PTPRG: variants seen among roughly 807,000 people sequenced by gnomAD.
PTPRG encodes receptor-type tyrosine-protein phosphatase gamma.
Under a neutral mutation model 165.3 loss-of-function variants are expected in PTPRG, and 102 were observed. The ratio of observed to expected loss-of-function variants is 0.62; its 90% confidence interval spans 0.53 to 0.73. PTPRG has a LOEUF of 0.73. Among genes scored for constraint, PTPRG ranks in the 30% least tolerant of loss-of-function variants. The pLI, the probability that PTPRG is intolerant of heterozygous loss-of-function variation, is 0.00. For synonymous variants in PTPRG, 675 were observed against 669.5 expected, an observed-to-expected ratio of 1.01 and a Z score of -0.13; for missense variants, 1,866 against 1,861.4, an observed-to-expected ratio of 1.00 and a Z score of -0.05.
At chr3:62,112,343 A>G (rs1217754565) in intron 5 of PTPRG, among the ~76,000 whole-genome samples, 1 of 152,116 alleles carries the variant, frequency 6.6e-6, no homozygotes, top group East Asian at 1.9e-4. Flanking sequence ...ACCTCAAGCA[A>G]TCCACCCACC....
At chr3:61,895,941 T>G (rs540341864) in intron 2 of PTPRG, among the ~76,000 whole-genome samples, 58 of 152,332 alleles carry the variant, frequency 3.8e-4, no homozygotes, top group Middle Eastern at 3.4e-3. Context: ...ACTTATATAC[T>G]TTGCCTAGTT....
rs182274268 is a variant in PTPRG at position 61,733,916 on chromosome 3, G to A, written c.86-14962G>A. 2.6e-3 allele frequency among the ~76,000 whole-genome samples: 389 copies of A among 152,250 alleles called. 1 individual carries two copies. Among genetic ancestry groups the A allele is most frequent in the African/African-American group, 9.1e-3 (378 of 41,560 alleles). Reference sequence around the variant, plus strand: ...AGGCTCAAGCGGTCCTCACACCTCAGCCTCCCAAGTAGCTGGGATTACAGG... The same window carrying A: ...AGGCTCAAGCGGTCCTCACACCTCAACCTCCCAAGTAGCTGGGATTACAGG... On this transcript the variant is annotated intron_variant, in intron 1 of 29. Coordinates refer to ENST00000474889, the MANE Select transcript of PTPRG (RefSeq NM_002841.4).
intron 2 of PTPRG, among the ~76,000 whole-genome samples, chr3:61,958,815 C>G (rs2040089735): frequency 6.6e-6 from 1 of 152,200 alleles, no homozygotes. Flanking sequence ...AAAGAACTCT[C>G]ATTGTGTCAT....
At chr3:61,714,810 A>C (rs1009560712) in intron 1 of PTPRG, among the ~76,000 whole-genome samples, 1 of 152,172 alleles carries the variant, frequency 6.6e-6, no homozygotes, top group Non-Finnish European at 1.5e-5. Flanking sequence ...AACTGTATTA[A>C]TGGTAGAGAG....
chr3:61,971,214 G>C (rs78737103), intron 2 of PTPRG, among the ~76,000 whole-genome samples: 1 of 152,042 alleles, frequency 6.6e-6, no homozygotes, highest in African/African-American at 2.4e-5. Flanking sequence ...AACCATGTCC[G>C]GCTAATTTTT....
At chr3:61,750,281 G>A (rs1223745570) in intron 2 of PTPRG, 1 of 152,224 alleles carries the variant, frequency 6.6e-6, no homozygotes, top group Non-Finnish European at 1.5e-5. Context: ...CAGTCAGGAG[G>A]AGGCACAAAG....
At chr3:62,064,122 C>T (rs1700916765) in intron 4 of PTPRG, among the ~76,000 whole-genome samples, 1 of 130,182 alleles carries the variant, frequency 7.7e-6, no homozygotes, top group Non-Finnish European at 1.8e-5. Flanking sequence ...CTGCTCATTT[C>T]AAGGGAGACT....
intron 2 of PTPRG, among the ~76,000 whole-genome samples, chr3:61,837,358 C>G (rs1230841597): frequency 1.3e-5 from 2 of 152,170 alleles, no homozygotes; most frequent in Non-Finnish European, 1.5e-5. Flanking sequence ...CTGAATCCAG[C>G]TTTTTCATCT....
intron 3 of PTPRG, among the ~76,000 whole-genome samples, chr3:61,991,744 G>T (rs759215058): frequency 6.6e-6 from 1 of 152,188 alleles, no homozygotes; most frequent in African/African-American, 2.4e-5. Context: ...ATTCTGGAAG[G>T]CTGTCAAAGA....
At chr3:61,791,740 G>A (rs1279593196) in intron 2 of PTPRG, among the ~76,000 whole-genome samples, 2 of 152,144 alleles carry the variant, frequency 1.3e-5, no homozygotes, top group African/African-American at 4.8e-5. Flanking sequence ...CGCCCATCTC[G>A]GCTTCCCAGA....
chr3:61,989,348 A>G (rs1245606515), intron 2 of PTPRG, among the ~76,000 whole-genome samples: 1 of 152,198 alleles, frequency 6.6e-6, no homozygotes, highest in African/African-American at 2.4e-5. Flanking sequence ...AATATGGACA[A>G]CCCTAATAGC....
At chr3:62,285,608 A>G (rs1219628742) in intron 28 of PTPRG, among the ~76,000 whole-genome samples, 1 of 151,914 alleles carries the variant, frequency 6.6e-6, no homozygotes, top group Non-Finnish European at 1.5e-5. Flanking sequence ...ACCAAAAAGT[A>G]AACTGCTTCT....
intron 1 of PTPRG, among the ~76,000 whole-genome samples, chr3:61,736,292 T>C (rs1367354392): frequency 6.6e-6 from 1 of 151,950 alleles, no homozygotes; most frequent in Admixed American, 6.5e-5. Flanking sequence ...CCTCTACAAG[T>C]ATCATACAGG....
At chr3:61,621,053 G>A (rs548880452) in intron 1 of PTPRG, among the ~76,000 whole-genome samples, 1,447 of 89,306 alleles carry the variant, frequency 0.016, 30 homozygotes, top group African/African-American at 0.057. Context: ...ATATATATAT[G>A]TGTGTGTGTG....
chr3:62,065,920 A>AGAAG (rs1700996930), intron 4 of PTPRG, among the ~76,000 whole-genome samples: 1 of 152,244 alleles, frequency 6.6e-6, no homozygotes, highest in Non-Finnish European at 1.5e-5. Flanking sequence ...TATAGAACTC[A>AGAAG]GAAGCGTTTG....
chr3:61,709,985 A>G (rs2031470049), intron 1 of PTPRG, among the ~76,000 whole-genome samples: 1 of 152,138 alleles, frequency 6.6e-6, no homozygotes, highest in African/African-American at 2.4e-5. Flanking sequence ...CTGGGACCAC[A>G]CTAGAAGTAA....
intron 12 of PTPRG, among the ~76,000 whole-genome samples, chr3:62,212,726 G>T (rs1700392663): frequency 6.6e-6 from 1 of 152,278 alleles, no homozygotes; most frequent in African/African-American, 2.4e-5. Flanking sequence ...TGTGCCGCTT[G>T]GTTCCAACTG....
At position 62,273,095 on chromosome 3, in the gene PTPRG, G is replaced by A. The variant is rs1012531855; in HGVS notation, c.3318+14G>A. ...GTCCAGACTGAGGTAAGGAGTAGCT[G>A]CCAGCGTCCTCACGACATTCTGGCA... is the stretch of plus-strand genomic sequence containing the variant. On this transcript the variant is annotated intron_variant, in intron 22 of 29. Transcript: ENST00000474889. This position sits in a 1 kb window ranked among gnomAD's most constrained non-coding sequence, Gnocchi z 4.1. 1.9e-6 allele frequency: 3 copies of A among 1,596,936 alleles called. No homozygotes were observed. Among genetic ancestry groups the A allele is most frequent in the Middle Eastern group, 1.7e-4 (1 of 5,954 alleles).
At chr3:61,793,723 A>T (rs980113760) in intron 2 of PTPRG, among the ~76,000 whole-genome samples, 1 of 152,216 alleles carries the variant, frequency 6.6e-6, no homozygotes, top group Admixed American at 6.5e-5. Flanking sequence ...AGTCCAGTAC[A>T]GCTTTCTGGA....
Sources: allele counts gnomAD v4.1 joint callset (sites outside exome capture counted in the v4.1 genomes callset), GRCh38; gene constraint gnomAD v4.1.1; non-coding constraint Gnocchi (gnomAD v3.1); transcripts MANE v1.5; gene names NCBI Gene and HGNC (gene_info 2026-07-23, HGNC 2026-07-21).